The following SUPT3H variants were observed in gnomAD, a reference collection of about 807,000 sequenced individuals.
The protein encoded by SUPT3H is SPT3 homolog, SAGA and STAGA complex component, also known as transcription initiation protein SPT3 homolog.
SUPT3H carries 44 observed loss-of-function variants against 44.3 expected under a neutral mutation model. The observed-to-expected ratio is 0.99, with a 90% CI of 0.78 to 1.28. The LOEUF (loss-of-function observed/expected upper bound fraction) is 1.28. Among genes scored for constraint, SUPT3H ranks in the 50% most tolerant of loss-of-function variants. The pLI is 0.00. For synonymous variants in SUPT3H, 124 were observed against 125.6 expected, an observed-to-expected ratio of 0.99 and a Z score of 0.09; for missense variants, 380 against 387.1, an observed-to-expected ratio of 0.98 and a Z score of 0.15.
At chr6:45,176,414 G>T (rs192095606) in intron 2 of SUPT3H, among the ~76,000 whole-genome samples, 3,074 of 151,942 alleles carry the variant, frequency 0.02, 43 homozygotes, top group Non-Finnish European at 0.032. Context: ...CACCTGGCTC[G>T]GAGGGTCCTA....
At chr6:44,883,144 C>G (rs1455395725) in intron 10 of SUPT3H, among the ~76,000 whole-genome samples, 1 of 152,202 alleles carries the variant, frequency 6.6e-6, no homozygotes, top group Non-Finnish European at 1.5e-5. Context: ...ACTCAATCAT[C>G]TCAGCCCAAA....
At chr6:45,249,806 TG>T (rs58080931) in intron 2 of SUPT3H, among the ~76,000 whole-genome samples, 1,955 of 147,862 alleles carry the variant, frequency 0.013, 16 homozygotes, top group Non-Finnish European at 0.021. Context: ...AACACATCTG[TG>T]GGGGGGTGGG....
intron 3 of SUPT3H, among the ~76,000 whole-genome samples, chr6:45,102,194 C>T (rs1417919147): frequency 6.6e-6 from 1 of 152,102 alleles, no homozygotes; most frequent in Non-Finnish European, 1.5e-5. Context: ...ACTGGTTACA[C>T]AGTATTCTAC....
At chr6:44,819,449 G>A (rs1191045638) in intron 11 of SUPT3H, among the ~76,000 whole-genome samples, 1 of 151,434 alleles carries the variant, frequency 6.6e-6, no homozygotes, top group East Asian at 1.9e-4. Flanking sequence ...CATATAAAAA[G>A]GGTTTATACC....
chr6:45,326,937 G>A (rs554051612), intron 2 of SUPT3H, among the ~76,000 whole-genome samples: 2 of 151,936 alleles, frequency 1.3e-5, no homozygotes, highest in Admixed American at 1.3e-4. Context: ...GATTTAGAGT[G>A]GCATGGATAA....
At position 44,892,271 on chromosome 6, in the gene SUPT3H, C is replaced by G. The variant is rs575755129; in HGVS notation, c.912+40382G>C. Among the ~76,000 whole-genome samples, 4 of 152,106 alleles carry G rather than the reference C, an allele frequency of 2.6e-5. No homozygotes were observed. In the East Asian group the frequency reaches 7.7e-4, roughly 29 times the overall value. ...TCATATGGTTAGGGCTCTGACTTTA[C>G]AGGATTGGTGGCTTTATAAGATGAG... On this transcript the variant is annotated intron_variant, in intron 10 of 10. Transcript: ENST00000371459.
At chr6:45,277,336 T>C (rs1032868518) in intron 2 of SUPT3H, among the ~76,000 whole-genome samples, 1 of 152,234 alleles carries the variant, frequency 6.6e-6, no homozygotes, top group East Asian at 1.9e-4. Context: ...AGAATTATTA[T>C]CTAGGATTAG....
At chr6:45,366,600 C>A (rs1795179462) in intron 1 of SUPT3H, among the ~76,000 whole-genome samples, 1 of 152,140 alleles carries the variant, frequency 6.6e-6, no homozygotes, top group African/African-American at 2.4e-5. Context: ...AGATGTATTA[C>A]CCTTTTTTTC....
At chr6:45,184,522 C>G (rs1311217275) in intron 2 of SUPT3H, among the ~76,000 whole-genome samples, 1 of 152,054 alleles carries the variant, frequency 6.6e-6, no homozygotes, top group African/African-American at 2.4e-5. Context: ...TGAAGGCTCT[C>G]TGGTTGCATC....
At chr6:44,836,440 C>T (rs1020462133) in intron 10 of SUPT3H, among the ~76,000 whole-genome samples, 14 of 152,040 alleles carry the variant, frequency 9.2e-5, no homozygotes, top group African/African-American at 2.9e-4. Flanking sequence ...AGGTCTTCTC[C>T]GGCTGGCAGA....
chr6:44,929,974 G>A (rs1330530571), intron 10 of SUPT3H, among the ~76,000 whole-genome samples: 2 of 152,080 alleles, frequency 1.3e-5, no homozygotes, highest in Non-Finnish European at 1.5e-5. Flanking sequence ...TAGCCTGGGC[G>A]CTGTGGCTCA....
chr6:44,836,774 A>G (rs1283282447), intron 10 of SUPT3H, among the ~76,000 whole-genome samples: 1 of 152,208 alleles, frequency 6.6e-6, no homozygotes, highest in Non-Finnish European at 1.5e-5. Flanking sequence ...TAAATACAAC[A>G]TTGTATTTTA....
intron 8 of SUPT3H, 87 bp downstream of exon 8, chr6:44,954,408 A>G: frequency 1.0e-6 from 1 of 953,796 alleles, no homozygotes; most frequent in South Asian, 1.3e-5. Flanking sequence ...TTACTGGTAG[A>G]GCAGCAGGGA....
intron 3 of SUPT3H, among the ~76,000 whole-genome samples, chr6:45,042,275 T>C (rs544302289): frequency 6.6e-6 from 1 of 152,118 alleles, no homozygotes. Context: ...ATAAAAAAAT[T>C]AGCTGGGCAT....
intron 7 of SUPT3H, among the ~76,000 whole-genome samples, chr6:44,954,998 G>A (rs1332326515): frequency 6.6e-6 from 1 of 152,174 alleles, no homozygotes; most frequent in Non-Finnish European, 1.5e-5. Context: ...CATATAGAAA[G>A]AAAATCTTGC....
chr6:44,813,306 C>T (rs550569155), intron 11 of SUPT3H, among the ~76,000 whole-genome samples: 40 of 152,256 alleles, frequency 2.6e-4, no homozygotes, highest in Middle Eastern at 3.4e-3. Flanking sequence ...CTGCCTCAGC[C>T]TTCTGAGTGG....
chr6:45,055,247 A>G (rs765981989), intron 3 of SUPT3H, among the ~76,000 whole-genome samples: 16 of 152,152 alleles, frequency 1.1e-4, no homozygotes, highest in Non-Finnish European at 2.1e-4. Context: ...CATACTGCCA[A>G]AAGCAATCTA....
intron 2 of SUPT3H, among the ~76,000 whole-genome samples, chr6:45,292,970 C>T (rs527478627): frequency 4.0e-5 from 6 of 151,866 alleles, no homozygotes; most frequent in African/African-American, 1.4e-4. Flanking sequence ...TTAAACTATA[C>T]CTTGGAACAA....
intron 2 of SUPT3H, among the ~76,000 whole-genome samples, chr6:45,259,294 G>A (rs1301209551): frequency 6.6e-6 from 1 of 151,930 alleles, no homozygotes; most frequent in Non-Finnish European, 1.5e-5. Flanking sequence ...TACAAAGAAT[G>A]GCTGCCTTTA....
Sources: gnomAD v4.1 joint callset for allele counts (sites outside exome capture counted in the v4.1 genomes callset) on GRCh38, gnomAD v4.1.1 for gene constraint, MANE v1.5 for transcripts, NCBI Gene and HGNC (gene_info 2026-07-23, HGNC 2026-07-21) for gene names.